The following TPST1 variants were observed in gnomAD, a reference collection of about 807,000 sequenced individuals.
TPST1 encodes the protein tyrosylprotein sulfotransferase 1, also known as protein-tyrosine sulfotransferase 1.
TPST1 carries 20 observed loss-of-function variants against 34.8 expected under a neutral mutation model. The ratio of observed to expected loss-of-function variants is 0.57; its 90% CI spans 0.40 to 0.84. The LOEUF is 0.84. Ranked by LOEUF, TPST1 falls within the 40% of genes least tolerant of loss-of-function variation. The pLI is 0.00. For synonymous variants in TPST1, 152 were observed against 159.4 expected, an observed-to-expected ratio of 0.95 and a Z score of 0.35; for missense variants, 353 against 455.5, an observed-to-expected ratio of 0.78 and a Z score of 2.05.
intron 3 of TPST1, among the ~76,000 whole-genome samples, chr7:66,303,391 G>GTGTATGTATGTATGTATGTA (rs6150141): frequency 0.27 from 41,187 of 149,944 alleles, 5,919 homozygotes; most frequent in African/African-American, 0.34. Context: ...ACAGCTGTGT[G>GTGTATGTATGTATGTATGTA]TGTATGTATG....
At chr7:66,322,042 G>T (rs1263105745) in intron 3 of TPST1, among the ~76,000 whole-genome samples, 1 of 152,172 alleles carries the variant, frequency 6.6e-6, no homozygotes. Context: ...TCTTAAGGCT[G>T]TCTTTTGAAA....
chr7:66,320,601 GT>G (rs565370599), intron 3 of TPST1, among the ~76,000 whole-genome samples: 78 of 149,806 alleles, frequency 5.2e-4, no homozygotes, highest in African/African-American at 1.8e-3. Flanking sequence ...TGTAGTCATA[GT>G]TTTTTTTGTG....
chr7:66,259,533 C>T (rs1272696254), intron 2 of TPST1, among the ~76,000 whole-genome samples: 2 of 151,908 alleles, frequency 1.3e-5, no homozygotes, highest in Non-Finnish European at 2.9e-5. Context: ...ACTCCAATTA[C>T]ACATATATGA....
At chr7:66,331,941 G>A (rs1350750369) in intron 3 of TPST1, among the ~76,000 whole-genome samples, 1 of 152,146 alleles carries the variant, frequency 6.6e-6, no homozygotes, top group Non-Finnish European at 1.5e-5. Flanking sequence ...TCTAATGCCT[G>A]ATGATCTTTC....
At chr7:66,329,350 A>G (rs1434463057) in intron 3 of TPST1, among the ~76,000 whole-genome samples, 2 of 152,120 alleles carry the variant, frequency 1.3e-5, no homozygotes, top group Non-Finnish European at 2.9e-5. Flanking sequence ...ATAAATACCT[A>G]TATACCCTAA....
chr7:66,342,077 G>A (rs573599266), intron 3 of TPST1, among the ~76,000 whole-genome samples: 1 of 152,102 alleles, frequency 6.6e-6, no homozygotes, highest in Non-Finnish European at 1.5e-5. Flanking sequence ...TAGAGAAAAC[G>A]AACAGCAGGA....
At chr7:66,348,616 C>T (rs1047066411) in intron 3 of TPST1, among the ~76,000 whole-genome samples, 2 of 152,200 alleles carry the variant, frequency 1.3e-5, no homozygotes, top group Non-Finnish European at 2.9e-5. Context: ...CAAGCAGAAT[C>T]CTCCATCTTT....
At chr7:66,232,584 C>T (rs576063878) in intron 1 of TPST1, among the ~76,000 whole-genome samples, 2 of 152,116 alleles carry the variant, frequency 1.3e-5, no homozygotes, top group Non-Finnish European at 2.9e-5. Context: ...GTCTCGATCT[C>T]CTGACCTTGT....
At chr7:66,215,572 C>T (rs972269716) in intron 1 of TPST1, among the ~76,000 whole-genome samples, 7 of 151,528 alleles carry the variant, frequency 4.6e-5, no homozygotes, top group African/African-American at 1.5e-4. Context: ...GATGGGGTTT[C>T]ACCATGTTAG....
rs1250025462 is a variant in TPST1 at position 66,286,824 on chromosome 7, T to A, written c.1044+115T>A. 4.6e-3 allele frequency: 2,859 copies of A among 624,616 alleles called. 44 individuals are homozygous for A. Among genetic ancestry groups the A allele is most frequent in the East Asian group, 0.024 (636 of 26,336 alleles). 38.7% of individuals were successfully genotyped at this position (624,616 alleles called of 1,614,324 possible). On this transcript the variant is annotated intron_variant, in intron 3 of 5. Transcript: ENST00000304842. ...TAATGATCAGAAAAATATATTTTTTTTTTTTTTCATTTATTTTTATTTTAT... is the reference window on the plus strand; with the variant it reads ...TAATGATCAGAAAAATATATTTTTTATTTTTTTCATTTATTTTTATTTTAT...
chr7:66,241,339 A>G (rs1562810932), intron 2 of TPST1, 69 bp downstream of exon 2: 1 of 1,511,178 alleles, frequency 6.6e-7, no homozygotes, highest in Admixed American at 2.2e-5. Context: ...ATATGTATGT[A>G]TGTGTTTTAT....
intron 1 of TPST1, among the ~76,000 whole-genome samples, chr7:66,229,858 T>A (rs2116336301): frequency 6.6e-6 from 1 of 152,232 alleles, no homozygotes; most frequent in South Asian, 2.1e-4. Flanking sequence ...TGAGATAAAA[T>A]CCACATACCA....
intron 1 of TPST1, among the ~76,000 whole-genome samples, chr7:66,208,579 G>C (rs1369191344): frequency 2.6e-5 from 4 of 151,706 alleles, no homozygotes; most frequent in Admixed American, 2.6e-4. Context: ...AGTGATTCTC[G>C]TACCTCAGCC....
intron 2 of TPST1, among the ~76,000 whole-genome samples, chr7:66,256,608 G>C (rs991142210): frequency 2.0e-5 from 3 of 152,232 alleles, no homozygotes; most frequent in African/African-American, 7.2e-5. Flanking sequence ...AGAAAGTAAA[G>C]AAGATGGAAG....
chr7:66,279,170 G>A (rs1790882626), intron 2 of TPST1, among the ~76,000 whole-genome samples: 1 of 152,154 alleles, frequency 6.6e-6, no homozygotes, highest in South Asian at 2.1e-4. Context: ...ACTTATAAGT[G>A]AGAACATGCA....
intron 2 of TPST1, among the ~76,000 whole-genome samples, 164 bp downstream of exon 2, chr7:66,241,434 CT>C (rs1301363600): frequency 1.3e-5 from 2 of 152,068 alleles, no homozygotes; most frequent in Non-Finnish European, 2.9e-5. Flanking sequence ...GATGAGGTTT[CT>C]TTTTTTATTA....
intron 3 of TPST1, among the ~76,000 whole-genome samples, chr7:66,308,242 C>T (rs1173691968): frequency 6.6e-6 from 1 of 152,128 alleles, no homozygotes; most frequent in Non-Finnish European, 1.5e-5. Flanking sequence ...TAATGATCTC[C>T]AGAAGTTAGC....
intron 2 of TPST1, among the ~76,000 whole-genome samples, chr7:66,267,437 T>C (rs984584420): frequency 2.6e-5 from 4 of 151,872 alleles, no homozygotes; most frequent in Non-Finnish European, 4.4e-5. Context: ...CAACCATTTG[T>C]AGGCCATAAA....
intron 1 of TPST1, among the ~76,000 whole-genome samples, chr7:66,233,840 G>T (rs1234955402): frequency 6.6e-6 from 1 of 152,144 alleles, no homozygotes; most frequent in African/African-American, 2.4e-5. Context: ...TCACTGCCTT[G>T]CAGCTTCATT....
Sources: allele counts gnomAD v4.1 joint callset (sites outside exome capture counted in the v4.1 genomes callset), GRCh38; gene constraint gnomAD v4.1.1; transcripts MANE v1.5; gene names NCBI Gene and HGNC (gene_info 2026-07-23, HGNC 2026-07-21).